TMEM108: variants seen among roughly 807,000 people sequenced by gnomAD.
TMEM108 encodes the protein transmembrane protein 108, also known as cancer/testis antigen 124.
A neutral mutation model predicts 35.1 loss-of-function variants in TMEM108; 12 were observed. The observed-to-expected ratio is 0.34, with a 90% confidence interval of 0.22 to 0.55. The LOEUF is 0.55. Ranked by LOEUF, TMEM108 falls within the 20% of genes least tolerant of loss-of-function variation. TMEM108 has a pLI of 0.89. For synonymous variants in TMEM108, 287 were observed against 308.6 expected (o/e 0.93, Z 0.73); for missense variants, 680 against 753.3 (o/e 0.90, Z 1.14).
intron 2 of TMEM108, among the ~76,000 whole-genome samples, chr3:133,097,447 T>A (rs1168846672): frequency 3.3e-5 from 5 of 152,214 alleles, no homozygotes. Flanking sequence ...TTGTTGATAA[T>A]AACCCAACCT....
At chr3:133,246,265 G>A (rs1946384293) in intron 3 of TMEM108, 1 of 152,168 alleles carries the variant, frequency 6.6e-6, no homozygotes, top group African/African-American at 2.4e-5. Flanking sequence ...TATTAGTTTT[G>A]AAGTTCCTTA....
chr3:133,140,322 C>G (rs935810538), intron 2 of TMEM108, among the ~76,000 whole-genome samples: 1 of 152,094 alleles, frequency 6.6e-6, no homozygotes, highest in African/African-American at 2.4e-5. Flanking sequence ...TCCTACGAGC[C>G]CTGCAGGTGC....
intron 3 of TMEM108, among the ~76,000 whole-genome samples, chr3:133,290,070 A>G (rs539554957): frequency 8.5e-5 from 13 of 152,220 alleles, no homozygotes; most frequent in African/African-American, 1.2e-4. Flanking sequence ...AAGACAGACA[A>G]TAAACAGGAT....
chr3:133,332,088 A>G (rs144452097), intron 3 of TMEM108, among the ~76,000 whole-genome samples: 42,406 of 124,504 alleles, frequency 0.34, 6,428 homozygotes, highest in East Asian at 0.42. Flanking sequence ...ACGTGCACAC[A>G]CACACACACA....
chr3:133,338,696 C>A (rs1356181483), intron 3 of TMEM108, among the ~76,000 whole-genome samples: 2 of 152,012 alleles, frequency 1.3e-5, no homozygotes, highest in Admixed American at 6.6e-5. Flanking sequence ...CTGCTCATAT[C>A]TTAAATTGAA....
chr3:133,125,947 A>G (rs1360488226), intron 2 of TMEM108, among the ~76,000 whole-genome samples: 2 of 152,156 alleles, frequency 1.3e-5, no homozygotes, highest in Non-Finnish European at 2.9e-5. Flanking sequence ...AGTTCCTTTG[A>G]TCTGGAACAC....
At chr3:133,123,274 G>T (rs1031977782) in intron 2 of TMEM108, among the ~76,000 whole-genome samples, 1 of 151,966 alleles carries the variant, frequency 6.6e-6, no homozygotes, top group Non-Finnish European at 1.5e-5. Context: ...GTTTTATCTT[G>T]TTGCAAACAA....
intron 2 of TMEM108, among the ~76,000 whole-genome samples, chr3:133,202,640 C>T (rs1945687116): frequency 6.6e-6 from 1 of 152,056 alleles, no homozygotes; most frequent in Non-Finnish European, 1.5e-5. Context: ...CTGTTCTGTT[C>T]CATTGGTCTA....
intron 2 of TMEM108, among the ~76,000 whole-genome samples, chr3:133,065,108 A>T (rs1398281837): frequency 1.3e-5 from 2 of 152,232 alleles, no homozygotes; most frequent in African/African-American, 4.8e-5. Flanking sequence ...GAAGGCATAG[A>T]TGCTAAAGTC....
chr3:133,251,972 A>G (rs756785429), intron 3 of TMEM108, among the ~76,000 whole-genome samples: 1 of 152,326 alleles, frequency 6.6e-6, no homozygotes, highest in African/African-American at 2.4e-5. Context: ...TTTTTCAGAC[A>G]TAACTAATTC....
chr3:133,042,137 C>T (rs1943282897), intron 1 of TMEM108, among the ~76,000 whole-genome samples: 1 of 152,076 alleles, frequency 6.6e-6, no homozygotes, highest in Admixed American at 6.6e-5. Context: ...ATTCTTTGTT[C>T]TCTAGCTGTT....
chr3:133,209,737 A>G lies in TMEM108; in HGVS notation c.-46-19529A>G, dbSNP rs529048941. Among the ~76,000 whole-genome samples, 15 of 152,202 alleles carry G rather than the reference A, an allele frequency of 9.9e-5. No homozygotes were observed. In the South Asian group the frequency reaches 1.7e-3, roughly 17 times the overall value. ...AGCATCAACTGTTTTCTCTCAGTCT[A>G]TCTTCTCTATGAATGCCATCTTCAG... is the stretch of plus-strand genomic sequence containing the variant. On this transcript the variant is annotated intron_variant, in intron 2 of 5. Coordinates refer to ENST00000321871, the MANE Select transcript of TMEM108 (RefSeq NM_023943.4).
At chr3:133,083,662 T>C (rs1197199823) in intron 2 of TMEM108, among the ~76,000 whole-genome samples, 1 of 152,226 alleles carries the variant, frequency 6.6e-6, no homozygotes, top group Non-Finnish European at 1.5e-5. Flanking sequence ...AATGTTTTAT[T>C]TTTAGATAGT....
intron 4 of TMEM108, chr3:133,386,606 G>A (rs961804379): frequency 2.1e-4 from 297 of 1,441,106 alleles, no homozygotes; most frequent in Middle Eastern, 2.0e-3. Context: ...AAAACTCAAG[G>A]AAATTGGGAC....
Position 133,161,716 on chromosome 3 carries a change from C to T in TMEM108, c.-46-67550C>T, listed in dbSNP as rs1272093340. On this transcript the variant is annotated intron_variant, in intron 2 of 5. Coordinates refer to ENST00000321871, the MANE Select transcript of TMEM108 (RefSeq NM_023943.4). ...TCATTCCCTCAAAAAAAAAAAAAGC[C>T]CAAAGTGAGAGGGTGTATTTTTCAC... Among the ~76,000 whole-genome samples the T allele has an allele frequency of 6.0e-5, 9 of 150,992 alleles. 1 individual carries two copies. Among genetic ancestry groups the T allele is most frequent in the African/African-American group, 2.2e-4 (9 of 41,110 alleles).
chr3:133,073,530 A>ATATATATATT, intron 2 of TMEM108, among the ~76,000 whole-genome samples: 1 of 132,014 alleles, frequency 7.6e-6, no homozygotes, highest in Non-Finnish European at 1.6e-5. Flanking sequence ...ATATATATAT[A>ATATATATATT]TATATCACAT....
chr3:133,040,202 G>GTTTTTTTTTTTT (rs200928853), intron 1 of TMEM108, among the ~76,000 whole-genome samples: 1 of 119,692 alleles, frequency 8.4e-6, no homozygotes, highest in Non-Finnish European at 1.8e-5. Flanking sequence ...TTGTTTGTTT[G>GTTTTTTTTTTTT]TTTGTTTTTT....
intron 3 of TMEM108, among the ~76,000 whole-genome samples, chr3:133,298,461 C>T (rs1947175494): frequency 1.3e-5 from 2 of 152,192 alleles, no homozygotes; most frequent in African/African-American, 2.4e-5. Flanking sequence ...TTTTCATATT[C>T]GTATTTTACC....
At chr3:133,379,684 G>GT in intron 3 of TMEM108, 68 bp from the exon 4 acceptor site, 10 of 1,508,374 alleles carry the variant, frequency 6.6e-6, no homozygotes, top group Non-Finnish European at 9.0e-6. Context: ...TAGGCCACAG[G>GT]TAAGAAAGGC....
Sources: gnomAD v4.1 joint callset for allele counts (sites outside exome capture counted in the v4.1 genomes callset) on GRCh38, gnomAD v4.1.1 for gene constraint, MANE v1.5 for transcripts, NCBI Gene and HGNC (gene_info 2026-07-23, HGNC 2026-07-21) for gene names.